CCL28: variants seen among roughly 807,000 people sequenced by gnomAD.
CCL28 encodes C-C motif chemokine ligand 28.
A neutral mutation model predicts 7.1 loss-of-function variants in CCL28; 4 were observed. The observed-to-expected ratio is 0.56, with a 90% CI of 0.28 to 1.29. The LOEUF is 1.29. CCL28 is among the 50% of genes most tolerant of loss of function. CCL28 has a pLI of 0.11. For synonymous variants in CCL28, 55 were observed against 57.8 expected (o/e 0.95, Z 0.22); for missense variants, 151 against 163.4 (o/e 0.92, Z 0.41).
At chr5:43,357,310 C>T in the CCL28 span, among the ~76,000 whole-genome samples, 1 of 152,308 alleles carries the variant, frequency 6.6e-6, no homozygotes, top group South Asian at 2.1e-4. Context: ...GTGGGAGGAA[C>T]TGCAAAGTCA....
intron 1 of CCL28, among the ~76,000 whole-genome samples, chr5:43,398,712 A>G (rs1275158931): frequency 1.3e-5 from 2 of 152,152 alleles, no homozygotes; most frequent in Admixed American, 1.3e-4. Context: ...TTAGCCGGGC[A>G]TGGTGGCAGA....
intron 1 of CCL28, among the ~76,000 whole-genome samples, chr5:43,409,526 T>G (rs1741449073): frequency 6.6e-6 from 1 of 152,070 alleles, no homozygotes; most frequent in Non-Finnish European, 1.5e-5. Flanking sequence ...GAGTCCCAAT[T>G]GTGCAGAACA....
chr5:43,412,300 A>C lies in CCL28; in HGVS notation c.17T>G (p.Leu6Arg). Residue 6 changes from leucine (L) to arginine (R), a missense_variant, in exon 1 of 3, where the codon CTC becomes CGC. Leu to Arg is a moderately radical substitution (Grantham distance 102). Coordinates refer to ENST00000361115, the MANE Select transcript of CCL28 (RefSeq NM_148672.3). MQQRG[L>R]AIVALAVCAA... ...ACAGACAGCCAAGGCCACGATGGCG[A>C]GTCCTCTCTGCTGCATTCCTGCCTG... The C allele has an allele frequency of 6.2e-7, 1 of 1,613,092 alleles. No individual in the cohort carries two copies. The highest frequency in any genetic ancestry group is 8.5e-7 in the Non-Finnish European group (1 of 1,179,518).
chr5:43,401,907 G>C (rs746300050), intron 1 of CCL28, among the ~76,000 whole-genome samples: 5 of 152,246 alleles, frequency 3.3e-5, no homozygotes, highest in Non-Finnish European at 7.3e-5. Flanking sequence ...ATTGCAGGAA[G>C]AGGGGGTTTT....
At position 43,379,544 on chromosome 5, in the gene CCL28, G is replaced by A. The variant is rs1339784838; in HGVS notation, c.*2316C>T. 1 of 152,158 alleles carries A rather than the reference G, an allele frequency of 6.6e-6. No homozygotes were observed. The highest frequency in any genetic ancestry group is 1.5e-5 in the Non-Finnish European group (1 of 68,028). The allele number at this position is 152,158 out of a possible 1,614,324, so 9.4% of individuals were successfully genotyped here. ...TGTCAGGAAAATAAATAAATTAAAT[G>A]CTAAATAGTCAATGAGGGATATTAG... is the stretch of plus-strand genomic sequence containing the variant. On this transcript the variant is annotated 3_prime_UTR_variant, in exon 3 of 3. Coordinates refer to ENST00000361115, the MANE Select transcript of CCL28 (RefSeq NM_148672.3).
chr5:43,358,367 A>G, the CCL28 span, among the ~76,000 whole-genome samples: 8 of 152,228 alleles, frequency 5.3e-5, no homozygotes, highest in African/African-American at 1.9e-4. Context: ...ACAGAGAACA[A>G]AAAGCAGATT....
intron 1 of CCL28, among the ~76,000 whole-genome samples, chr5:43,408,738 A>G (rs1334871520): frequency 2.0e-5 from 3 of 152,168 alleles, no homozygotes; most frequent in Non-Finnish European, 4.4e-5. Flanking sequence ...GGGGAGAGGG[A>G]TTAAAGGAAT....
chr5:43,404,103 G>A (rs1002323523), intron 1 of CCL28, among the ~76,000 whole-genome samples: 6 of 152,210 alleles, frequency 3.9e-5, no homozygotes, highest in Admixed American at 1.3e-4. Context: ...TCATCCAGGA[G>A]AACTTCCCCA....
chr5:43,391,498 AATG>A (rs1740570480), intron 1 of CCL28, among the ~76,000 whole-genome samples: 1 of 152,252 alleles, frequency 6.6e-6, no homozygotes, highest in Non-Finnish European at 1.5e-5. Flanking sequence ...TGAATAAATA[AATG>A]ATGACTTAAC....
At chr5:43,359,378 G>C in the CCL28 span, among the ~76,000 whole-genome samples, 3 of 152,204 alleles carry the variant, frequency 2.0e-5, no homozygotes, top group African/African-American at 7.2e-5. Context: ...GAAATGAAAG[G>C]ATGGGCTCTG....
chr5:43,408,357 G>A (rs1241600198), intron 1 of CCL28, among the ~76,000 whole-genome samples: 1 of 152,178 alleles, frequency 6.6e-6, no homozygotes, highest in Non-Finnish European at 1.5e-5. Flanking sequence ...GATGATGCTG[G>A]AAACCATCAT....
chr5:43,403,992 A>G (rs962023995), intron 1 of CCL28, among the ~76,000 whole-genome samples: 1 of 152,228 alleles, frequency 6.6e-6, no homozygotes, highest in Non-Finnish European at 1.5e-5. Context: ...AAAGCCTCCA[A>G]GAAATATGGG....
At chr5:43,374,616 A>C (rs927706938), downstream of CCL28, among the ~76,000 whole-genome samples, 1 of 151,924 alleles carries the variant, frequency 6.6e-6, no homozygotes, top group Non-Finnish European at 1.5e-5. Flanking sequence ...CCCCATCTCT[A>C]CTAAAAATAC....
rs1740091234 is a variant in CCL28, at chr5:43,381,021, C to T, written c.*839G>A. ...AATTATTAATTTTTTAGGTATAAAA[C>T]TGATAAGGTGATTATGTAGAAAAAT... On this transcript the variant is annotated 3_prime_UTR_variant, in exon 3 of 3. Coordinates refer to ENST00000361115, the MANE Select transcript of CCL28 (RefSeq NM_148672.3). 1 of 151,656 alleles carries T rather than the reference C, an allele frequency of 6.6e-6. No homozygotes were observed. The highest frequency in any genetic ancestry group is 2.4e-5 in the African/African-American group (1 of 41,292). 9.4% of individuals were successfully genotyped at this position (151,656 alleles called of 1,614,324 possible). A position where few individuals can be genotyped will look rare whatever the true frequency, so the allele number is the denominator to read the frequency against.
At chr5:43,377,608 A>T (rs889978835), downstream of CCL28, 2 of 151,514 alleles carry the variant, frequency 1.3e-5, no homozygotes, top group African/African-American at 4.8e-5. Flanking sequence ...AAATAATTGT[A>T]ATGAAACATC....
At chr5:43,390,258 G>A (rs1740521197) in intron 1 of CCL28, among the ~76,000 whole-genome samples, 1 of 152,206 alleles carries the variant, frequency 6.6e-6, no homozygotes, top group African/African-American at 2.4e-5. Flanking sequence ...ACCAGCTTAT[G>A]TTCCAGAATT....
chr5:43,398,998 A>T (rs1423181260), intron 1 of CCL28, among the ~76,000 whole-genome samples: 1 of 152,162 alleles, frequency 6.6e-6, no homozygotes, highest in African/African-American at 2.4e-5. Context: ...CTATGTCAGT[A>T]ACTTCAAAAT....
At chr5:43,372,785 T>C (rs1304426714), downstream of CCL28, among the ~76,000 whole-genome samples, 6 of 151,274 alleles carry the variant, frequency 4.0e-5, no homozygotes, top group Non-Finnish European at 5.9e-5. Flanking sequence ...TTTTTTTTTT[T>C]AGAGCTGTTA....
intron 1 of CCL28, among the ~76,000 whole-genome samples, chr5:43,403,430 C>A (rs1253868160): frequency 1.3e-5 from 2 of 152,218 alleles, no homozygotes; most frequent in Non-Finnish European, 2.9e-5. Flanking sequence ...CAAACTCCAA[C>A]AGACCTGCAG....
Sources: gnomAD v4.1 joint callset for allele counts (sites outside exome capture counted in the v4.1 genomes callset) on GRCh38, gnomAD v4.1.1 for gene constraint, MANE v1.5 for transcripts, NCBI Gene and HGNC (gene_info 2026-07-23, HGNC 2026-07-21) for gene names.